EPHA6: variants seen among roughly 807,000 people sequenced by gnomAD.
EPHA6 encodes the protein ephrin type-A receptor 6.
In EPHA6, 50 loss-of-function variants were observed where a neutral mutation model predicts 112.0. The ratio of observed to expected loss-of-function variants is 0.45; its 90% confidence interval spans 0.36 to 0.56. EPHA6 has a LOEUF of 0.56. EPHA6 is among the 20% of genes least tolerant of loss of function. EPHA6 has a pLI of 0.00. For missense variants in EPHA6, 1,280 were observed against 1,417.4 expected, an observed-to-expected ratio of 0.90 and a Z score of 1.56; for synonymous variants, 529 against 490.7, an observed-to-expected ratio of 1.08 and a Z score of -1.03.
intron 3 of EPHA6, among the ~76,000 whole-genome samples, chr3:97,084,138 GCA>G (rs373106924): frequency 0.017 from 2,040 of 119,340 alleles, 31 homozygotes; most frequent in Middle Eastern, 0.027. Context: ...ATATATCCAT[GCA>G]CACACACACA....
chr3:97,218,600 T>C (rs146369415), intron 3 of EPHA6, among the ~76,000 whole-genome samples: 1 of 152,232 alleles, frequency 6.6e-6, no homozygotes, highest in East Asian at 1.9e-4. Context: ...TTCAATTACC[T>C]CCACCTGGTC....
intron 2 of EPHA6, among the ~76,000 whole-genome samples, chr3:96,897,767 A>T (rs539119882): frequency 6.6e-6 from 1 of 152,342 alleles, no homozygotes; most frequent in East Asian, 1.9e-4. Flanking sequence ...GATGCATTGC[A>T]AAATTCTAAA....
chr3:96,997,420 G>A (rs2107887820), intron 3 of EPHA6, among the ~76,000 whole-genome samples: 1 of 152,082 alleles, frequency 6.6e-6, no homozygotes, highest in East Asian at 1.9e-4. Flanking sequence ...TGTAGCTTTT[G>A]ATTTTAAGTA....
chr3:96,967,423 ATTT>A (rs1344253273), intron 2 of EPHA6, among the ~76,000 whole-genome samples: 2 of 151,510 alleles, frequency 1.3e-5, no homozygotes. Context: ...TTCACGCTGA[ATTT>A]TACTGACTGT....
intron 6 of EPHA6, among the ~76,000 whole-genome samples, chr3:97,417,886 T>A (rs972195006): frequency 2.6e-5 from 4 of 151,944 alleles, no homozygotes; most frequent in Non-Finnish European, 5.9e-5. Flanking sequence ...AATATAAGAC[T>A]CAGACACCAC....
At chr3:96,850,871 A>G (rs370291085) in intron 1 of EPHA6, among the ~76,000 whole-genome samples, 3 of 152,266 alleles carry the variant, frequency 2.0e-5, no homozygotes, top group East Asian at 1.9e-4. Context: ...TGTAAGTAAA[A>G]GTGGCAGAAA....
chr3:97,277,422 G>T (rs1039438651), intron 5 of EPHA6, among the ~76,000 whole-genome samples: 7 of 152,132 alleles, frequency 4.6e-5, no homozygotes, highest in Admixed American at 3.9e-4. Flanking sequence ...CATCAGTTAA[G>T]GCAGGAACAG....
intron 7 of EPHA6, among the ~76,000 whole-genome samples, chr3:97,453,575 A>G (rs758932922): frequency 2.0e-5 from 3 of 151,760 alleles, no homozygotes; most frequent in Non-Finnish European, 3.0e-5. Context: ...AAAAATCATT[A>G]TAATCAACAT....
At chr3:96,905,643 T>C (rs2038892554) in intron 2 of EPHA6, among the ~76,000 whole-genome samples, 1 of 152,022 alleles carries the variant, frequency 6.6e-6, no homozygotes, top group Admixed American at 6.6e-5. Context: ...TTTTTTTCAC[T>C]TGTGGAAAAG....
chr3:97,229,301 G>A (rs1415866577), intron 4 of EPHA6, among the ~76,000 whole-genome samples: 1 of 152,182 alleles, frequency 6.6e-6, no homozygotes, highest in African/African-American at 2.4e-5. Flanking sequence ...ATAAGCCAAT[G>A]TCGAGAAGAA....
intron 14 of EPHA6, among the ~76,000 whole-genome samples, chr3:97,669,595 TA>T (rs77846776): frequency 4.6e-3 from 628 of 135,668 alleles, no homozygotes; most frequent in Admixed American, 4.4e-3. Flanking sequence ...TATCCCATCT[TA>T]AAAAAAAAAA....
chr3:97,648,640 A>T (rs1167544474), intron 14 of EPHA6: 3 of 1,094,112 alleles, frequency 2.7e-6, no homozygotes, highest in Admixed American at 1.0e-4. Context: ...ATCATGCTTA[A>T]CCTTTTAGTA....
intron 1 of EPHA6, among the ~76,000 whole-genome samples, chr3:96,859,096 T>A (rs1450477993): frequency 6.8e-6 from 1 of 146,392 alleles, no homozygotes; most frequent in East Asian, 2.1e-4. Flanking sequence ...GACATACATT[T>A]CTTGCTCATG....
chr3:97,585,217 C>T (rs1039492581), intron 11 of EPHA6, among the ~76,000 whole-genome samples: 3 of 152,112 alleles, frequency 2.0e-5, no homozygotes, highest in Admixed American at 6.6e-5. Flanking sequence ...TTACAGTCCA[C>T]GTTCAGCATT....
intron 5 of EPHA6, among the ~76,000 whole-genome samples, chr3:97,350,576 A>T (rs2083758158): frequency 6.6e-6 from 1 of 151,992 alleles, no homozygotes; most frequent in Non-Finnish European, 1.5e-5. Flanking sequence ...AACTTAAAGG[A>T]TGCCCTAGGG....
rs575309749 is a variant in EPHA6 at position 97,444,970 on chromosome 3, T to C, written c.1732-3598T>C. 2.6e-5 allele frequency among the ~76,000 whole-genome samples: 4 copies of C among 152,134 alleles called. No homozygotes were observed. In the East Asian group the frequency reaches 7.8e-4, roughly 30 times the overall value. The stretch of plus-strand genomic sequence containing the variant: ...TGCCTAAATATAAGTGCCAGGGTCT[T>C]CCCATGGGAAGAGAACCATAGGTAA... On this transcript the variant is annotated intron_variant, in intron 6 of 17. Transcript: ENST00000389672.
rs185467842 is a variant in EPHA6, at chr3:97,198,422, A to T, written c.1115-27842A>T. ...TAGCTCCATATTCTGAAGTGCTTCC[A>T]ATTCTGACTTCCTGCTTCTGAAGTT... On this transcript the variant is annotated intron_variant, in intron 3 of 17. Transcript: ENST00000389672. Among the ~76,000 whole-genome samples, 343 of 152,186 alleles carry T rather than the reference A, an allele frequency of 2.3e-3. 3 individuals are homozygous for T. Among genetic ancestry groups the T allele is most frequent in the African/African-American group, 8.0e-3 (333 of 41,536 alleles).
intron 2 of EPHA6, among the ~76,000 whole-genome samples, chr3:96,935,874 A>C (rs1281944444): frequency 6.6e-6 from 1 of 151,812 alleles, no homozygotes; most frequent in Non-Finnish European, 1.5e-5. Context: ...GATATTATTA[A>C]TATGACACGA....
intron 3 of EPHA6, among the ~76,000 whole-genome samples, chr3:97,025,208 C>G (rs375306260): frequency 6.6e-6 from 1 of 152,090 alleles, no homozygotes; most frequent in Non-Finnish European, 1.5e-5. Context: ...CCTCTCACTT[C>G]GTAAGCACTC....
Sources: gnomAD v4.1 joint callset for allele counts (sites outside exome capture counted in the v4.1 genomes callset) on GRCh38, gnomAD v4.1.1 for gene constraint, MANE v1.5 for transcripts, NCBI Gene and HGNC (gene_info 2026-07-23, HGNC 2026-07-21) for gene names.